The following SCEL variants were observed in gnomAD, a reference collection of about 807,000 sequenced individuals.
SCEL encodes the protein sciellin.
SCEL carries 113 observed loss-of-function variants against 117.6 expected under a neutral mutation model. That is an observed-to-expected ratio of 0.96 (90% CI 0.83 to 1.12). The LOEUF (loss-of-function observed/expected upper bound fraction) is 1.12. Ranked by LOEUF, SCEL falls within the 50% of genes most tolerant of loss-of-function variation. SCEL has a pLI of 0.00. For synonymous variants in SCEL, 270 were observed against 256.2 expected (o/e 1.05, Z -0.51); for missense variants, 785 against 810.8 (o/e 0.97, Z 0.39).
At chr13:77,580,753 CATTT>C (rs1299566141) in intron 9 of SCEL, among the ~76,000 whole-genome samples, 1 of 152,130 alleles carries the variant, frequency 6.6e-6, no homozygotes, top group Admixed American at 6.6e-5. Flanking sequence ...TTTCTGGAAT[CATTT>C]TTAAAGATAG....
intron 2 of SCEL, 51 bp from the exon 3 acceptor site, chr13:77,556,545 G>C: frequency 2.0e-6 from 3 of 1,491,138 alleles, no homozygotes. Flanking sequence ...ACAAGCCCAC[G>C]CTCAACTCCA....
intron 10 of SCEL, 100 bp from the exon 11 acceptor site, chr13:77,591,295 C>A (rs777861448): frequency 9.0e-6 from 7 of 777,402 alleles, no homozygotes; most frequent in Non-Finnish European, 1.5e-5. Context: ...TTCCAACAAA[C>A]ACTGATCTTT....
chr13:77,606,818 C>G (rs2088231989), intron 19 of SCEL, among the ~76,000 whole-genome samples: 1 of 152,088 alleles, frequency 6.6e-6, no homozygotes, highest in Non-Finnish European at 1.5e-5. Context: ...AATAGGGTCA[C>G]AGAGTATGGA....
At chr13:77,560,219 C>G (rs1440494308) in intron 4 of SCEL, among the ~76,000 whole-genome samples, 1 of 149,756 alleles carries the variant, frequency 6.7e-6, no homozygotes, top group Non-Finnish European at 1.5e-5. Context: ...TCTCTTGAGC[C>G]TAGGAGTTAG....
At chr13:77,612,982 C>A in intron 23 of SCEL, 41 bp downstream of exon 23, 1 of 1,094,756 alleles carries the variant, frequency 9.1e-7, no homozygotes, top group Admixed American at 2.4e-5. Flanking sequence ...TAGCAAGTCA[C>A]CAATTTATGC....
chr13:77,643,568 A>G (rs923209614), intron 32 of SCEL, among the ~76,000 whole-genome samples: 1 of 152,112 alleles, frequency 6.6e-6, no homozygotes, highest in Non-Finnish European at 1.5e-5. Flanking sequence ...TACTATGTGA[A>G]AGGCACTTTT....
In SCEL at chr13:77,559,270, C is replaced by T. The variant is rs557361106; in HGVS notation, c.162-534C>T. ...AACTAACTAGAGCAAACTGTATTCT[C>T]ATGGTTCAAAAGTAGGCTAGGTCTC... On this transcript the variant is annotated intron_variant, in intron 3 of 32. Transcript: ENST00000349847. Among the ~76,000 whole-genome samples, 35 of 152,290 alleles carry T rather than the reference C, an allele frequency of 2.3e-4. No homozygotes were observed. The South Asian group carries it at 6.9e-3, about 30-fold the overall frequency.
intron 9 of SCEL, among the ~76,000 whole-genome samples, chr13:77,574,454 T>A (rs1276625069): frequency 6.6e-6 from 1 of 152,232 alleles, no homozygotes; most frequent in Admixed American, 6.5e-5. Flanking sequence ...AGATTATTAA[T>A]ATAATGGCTA....
At chr13:77,539,825 C>A (rs563385294) in intron 1 of SCEL, among the ~76,000 whole-genome samples, 4 of 152,090 alleles carry the variant, frequency 2.6e-5, no homozygotes, top group African/African-American at 9.7e-5. Context: ...TGAGCCACTG[C>A]GCCTGGCTGA....
chr13:77,617,838 C>G lies in SCEL; in HGVS notation c.1547C>G (p.Pro516Arg). ...CTTGCTAACCTCATCAAAGTAAATC[C>G]TGCAGTAATCAGAAACAATCAGAGG... is the stretch of plus-strand genomic sequence containing the variant. ...QDLANLIKVN[P>R]AVIRNNQSQD... Residue 516 changes from proline to arginine, a missense_variant, in exon 26 of 33, where the codon CCT (proline) becomes CGT (arginine). Physicochemically the swap from Pro to Arg is moderately radical, Grantham distance 103. Transcript: ENST00000349847. 1 of 1,611,248 alleles carries G rather than the reference C, an allele frequency of 6.2e-7. No homozygotes were observed. The highest frequency in any genetic ancestry group is 1.1e-5 in the South Asian group (1 of 90,812).
At chr13:77,599,799 T>C (rs1349155285) in intron 15 of SCEL, 51 bp downstream of exon 15, 1 of 1,326,900 alleles carries the variant, frequency 7.5e-7, no homozygotes. Context: ...GATGGTGTAC[T>C]ATTTTCTGGA....
chr13:77,554,676 T>A (rs1309205627), intron 1 of SCEL, among the ~76,000 whole-genome samples: 2 of 152,206 alleles, frequency 1.3e-5, no homozygotes, highest in Non-Finnish European at 2.9e-5. Flanking sequence ...CATTTGATCA[T>A]CGCAGCAACT....
intron 12 of SCEL, chr13:77,597,031 C>CA (rs1370935821): frequency 6.6e-6 from 1 of 152,284 alleles, no homozygotes; most frequent in Non-Finnish European, 1.5e-5. Flanking sequence ...TACTGATGAA[C>CA]AAATGTTTTC....
At chr13:77,606,090 G>A (rs2088154201) in intron 19 of SCEL, among the ~76,000 whole-genome samples, 1 of 152,168 alleles carries the variant, frequency 6.6e-6, no homozygotes, top group African/African-American at 2.4e-5. Context: ...GCATACAAAT[G>A]TTTTTGTGCA....
At chr13:77,638,999 C>T (rs1272193462) in intron 30 of SCEL, among the ~76,000 whole-genome samples, 1 of 152,094 alleles carries the variant, frequency 6.6e-6, no homozygotes, top group Non-Finnish European at 1.5e-5. Flanking sequence ...TGGCTCTGTT[C>T]TCCTCAGTCT....
chr13:77,555,124 G>C (rs1304354643), intron 1 of SCEL, among the ~76,000 whole-genome samples: 2 of 152,170 alleles, frequency 1.3e-5, no homozygotes, highest in Admixed American at 1.3e-4. Context: ...ATTTGTGTGT[G>C]TGTGTATGTC....
At chr13:77,640,876 A>C in intron 31 of SCEL, 92 bp downstream of exon 31, 1 of 642,136 alleles carries the variant, frequency 1.6e-6, no homozygotes, top group East Asian at 3.0e-5. Context: ...AGATGAAGCA[A>C]AAACTTTCAG....
intron 1 of SCEL, among the ~76,000 whole-genome samples, chr13:77,551,839 C>A (rs1197866440): frequency 3.9e-5 from 4 of 101,314 alleles, no homozygotes; most frequent in South Asian, 4.4e-4. Flanking sequence ...AGCTATCCCT[C>A]CCCCCTCCCC....
rs186955411 is a variant in SCEL, at chr13:77,629,602, G to T, written c.1691+1593G>T. Among the ~76,000 whole-genome samples the T allele has an allele frequency of 4.6e-5, 7 of 152,280 alleles. No homozygotes were observed. In the East Asian group the frequency reaches 9.6e-4, roughly 21 times the overall value. ...TCATTAAGAAGGTAGGAGCCAAGGG[G>T]AAAGTTCCACTTTGCCCTCTGAAGC... On this transcript the variant is annotated intron_variant, in intron 28 of 32. Coordinates refer to ENST00000349847, the MANE Select transcript of SCEL (RefSeq NM_144777.3).
Sources: gnomAD v4.1 joint callset for allele counts (sites outside exome capture counted in the v4.1 genomes callset) on GRCh38, gnomAD v4.1.1 for gene constraint, MANE v1.5 for transcripts, NCBI Gene and HGNC (gene_info 2026-07-23, HGNC 2026-07-21) for gene names.